Variants in SUSD4 observed in about 807,000 individuals in gnomAD.
SUSD4 encodes sushi domain-containing protein 4.
A neutral mutation model predicts 50.5 loss-of-function variants in SUSD4; 41 were observed. That is an observed-to-expected ratio of 0.81 (90% CI 0.63 to 1.05). SUSD4 has a LOEUF of 1.05. Ranked by LOEUF, SUSD4 falls within the 50% of genes least tolerant of loss-of-function variation. The probability of loss-of-function intolerance (pLI) is 0.00; values close to 1 mark genes in which losing one functional copy is unlikely to be tolerated. For missense variants in SUSD4, 580 were observed against 634.7 expected (o/e 0.91, Z 0.93); for synonymous variants, 257 against 257.3 (o/e 1.00, Z 0.01).
At chr1:223,284,093 AG>A in intron 3 of SUSD4, among the ~76,000 whole-genome samples, 1 of 29,600 alleles carries the variant, frequency 3.4e-5, no homozygotes, top group Non-Finnish European at 5.5e-5. Flanking sequence ...GGATAGGGGG[AG>A]GGGGGAGGGA....
intron 5 of SUSD4, among the ~76,000 whole-genome samples, chr1:223,252,232 A>ATAT (rs1315896019): frequency 1.1e-3 from 74 of 65,710 alleles, no homozygotes; most frequent in African/African-American, 3.1e-3. Context: ...AAAAAAAAAA[A>ATAT]AAAAATATAT....
At chr1:223,321,276 A>G (rs1349524307) in intron 2 of SUSD4, among the ~76,000 whole-genome samples, 1 of 152,206 alleles carries the variant, frequency 6.6e-6, no homozygotes, top group Non-Finnish European at 1.5e-5. Context: ...GCAAAGACAG[A>G]TGCAGAGACC....
chr1:223,294,458 G>C (rs1664697952), intron 2 of SUSD4, among the ~76,000 whole-genome samples: 1 of 152,118 alleles, frequency 6.6e-6, no homozygotes, highest in Non-Finnish European at 1.5e-5. Flanking sequence ...TTATGTGCTT[G>C]TGTAGGATTC....
chr1:223,270,231 C>T (rs1662813954), intron 3 of SUSD4, among the ~76,000 whole-genome samples: 1 of 152,124 alleles, frequency 6.6e-6, no homozygotes, highest in Non-Finnish European at 1.5e-5. Flanking sequence ...CCAGGTCTGC[C>T]CTTATCTCAG....
chr1:223,261,342 A>ACCC (rs1662108265), intron 5 of SUSD4, among the ~76,000 whole-genome samples: 2 of 152,254 alleles, frequency 1.3e-5, no homozygotes, highest in African/African-American at 4.8e-5. Context: ...CATGTTAAAT[A>ACCC]GACAATGTAC....
intron 5 of SUSD4, among the ~76,000 whole-genome samples, chr1:223,250,019 T>TAGTGCAAAGGTGCAAG (rs1324564252): frequency 2.0e-5 from 3 of 152,218 alleles, no homozygotes; most frequent in Non-Finnish European, 4.4e-5. Flanking sequence ...GCACTGCCTC[T>TAGTGCAAAGGTGCAAG]AGTGCAAAGG....
chr1:223,310,023 C>T (rs965191612), intron 2 of SUSD4, among the ~76,000 whole-genome samples: 1 of 152,106 alleles, frequency 6.6e-6, no homozygotes, highest in African/African-American at 2.4e-5. Context: ...TCACTGATGG[C>T]CCATTGGTGA....
chr1:223,304,502 C>T (rs1467131648), intron 2 of SUSD4, among the ~76,000 whole-genome samples: 1 of 151,944 alleles, frequency 6.6e-6, no homozygotes, highest in African/African-American at 2.4e-5. Context: ...ACACACCCTG[C>T]ATGGTAACGG....
intron 3 of SUSD4, among the ~76,000 whole-genome samples, chr1:223,285,276 G>A (rs1232065562): frequency 6.6e-6 from 1 of 152,170 alleles, no homozygotes; most frequent in Non-Finnish European, 1.5e-5. Flanking sequence ...GGGTGGGCAG[G>A]AACACCAAGG....
chr1:223,257,851 C>T (rs1201735200), intron 5 of SUSD4, among the ~76,000 whole-genome samples: 3 of 152,138 alleles, frequency 2.0e-5, no homozygotes, highest in Non-Finnish European at 1.5e-5. Flanking sequence ...ATAGAGTGGC[C>T]CTGATTCGGG....
chr1:223,227,875 G>C lies in SUSD4; in HGVS notation c.917-137C>G. 9.0e-7 allele frequency: 1 copy of C among 1,106,860 alleles called. No individual in the cohort carries two copies. Among genetic ancestry groups the C allele is most frequent in the Admixed American group, 2.5e-5 (1 of 39,780 alleles). 68.6% of individuals were successfully genotyped at this position (1,106,860 alleles called of 1,614,324 possible). A position where few individuals can be genotyped will look rare whatever the true frequency, so the allele number is the denominator to read the frequency against. ...TGCCTCTGACCCCCAGGGCTCGGCAGAGATACCATGTGCCCCTGTAGCTCA... is the reference window on the plus strand; with the variant it reads ...TGCCTCTGACCCCCAGGGCTCGGCACAGATACCATGTGCCCCTGTAGCTCA... On this transcript the variant is annotated intron_variant, in intron 6 of 8. Transcript: ENST00000366878. The surrounding 1 kb of genome is among the most constrained non-coding windows in gnomAD (Gnocchi z 4.5).
intron 2 of SUSD4, among the ~76,000 whole-genome samples, chr1:223,337,576 G>T (rs1211591733): frequency 6.6e-6 from 1 of 152,182 alleles, no homozygotes; most frequent in African/African-American, 2.4e-5. Flanking sequence ...AACACCAGGG[G>T]AGTAAGCCAT....
chr1:223,333,510 TAAG>T (rs1196768564), intron 2 of SUSD4, among the ~76,000 whole-genome samples: 1 of 152,114 alleles, frequency 6.6e-6, no homozygotes, highest in Non-Finnish European at 1.5e-5. Flanking sequence ...TCCACTGATA[TAAG>T]AAGAAATAAT....
At chr1:223,348,333 T>C (rs1308637778) in intron 2 of SUSD4, among the ~76,000 whole-genome samples, 1 of 152,226 alleles carries the variant, frequency 6.6e-6, no homozygotes, top group East Asian at 1.9e-4. Flanking sequence ...TTTCCACTCA[T>C]AATTTTCTAT....
chr1:223,279,509 A>G (rs930274706), intron 3 of SUSD4, among the ~76,000 whole-genome samples: 2 of 152,224 alleles, frequency 1.3e-5, no homozygotes, highest in Non-Finnish European at 2.9e-5. Context: ...AAGTGAGAAG[A>G]GAAGTTTAGA....
chr1:223,236,215 A>T (rs931933769), intron 5 of SUSD4, among the ~76,000 whole-genome samples: 2 of 152,158 alleles, frequency 1.3e-5, no homozygotes, highest in African/African-American at 4.8e-5. Context: ...CTTGTTGTAG[A>T]CTTTTAATAG....
chr1:223,275,008 G>A (rs1663161377), intron 3 of SUSD4, among the ~76,000 whole-genome samples: 2 of 152,152 alleles, frequency 1.3e-5, no homozygotes, highest in Non-Finnish European at 2.9e-5. Context: ...ACTGCTATAT[G>A]TATTTTATTT....
At chr1:223,233,465 G>C (rs1285192243) in intron 5 of SUSD4, among the ~76,000 whole-genome samples, 1 of 152,118 alleles carries the variant, frequency 6.6e-6, no homozygotes, top group Non-Finnish European at 1.5e-5. Flanking sequence ...ACCCAACACT[G>C]CCTCTCACTA....
At chr1:223,318,614 A>C (rs1458484429) in intron 2 of SUSD4, among the ~76,000 whole-genome samples, 2 of 143,750 alleles carry the variant, frequency 1.4e-5, no homozygotes, top group African/African-American at 5.1e-5. Context: ...GCCAGTGATG[A>C]TGAGCATTTC....
Sources: gnomAD v4.1 joint callset for allele counts (sites outside exome capture counted in the v4.1 genomes callset) on GRCh38, gnomAD v4.1.1 for gene constraint, Gnocchi (gnomAD v3.1) non-coding constraint, MANE v1.5 for transcripts, NCBI Gene and HGNC (gene_info 2026-07-23, HGNC 2026-07-21) for gene names.